Variants in PLCL2 observed in about 807,000 individuals in gnomAD.
PLCL2 encodes inactive phospholipase C-like protein 2.
PLCL2 carries 4 observed loss-of-function variants against 79.6 expected under a neutral mutation model. That is an observed-to-expected ratio of 0.05 (90% CI 0.02 to 0.11). PLCL2 has a LOEUF of 0.11. Among genes scored for constraint, PLCL2 ranks in the 10% least tolerant of loss-of-function variants. The probability of loss-of-function intolerance (pLI) is 1.00; values close to 1 mark genes in which losing one functional copy is unlikely to be tolerated. For synonymous variants in PLCL2, 484 were observed against 457.7 expected (o/e 1.06, Z -0.73); for missense variants, 895 against 1,291.0 (o/e 0.69, Z 4.70).
At chr3:16,902,903 A>C (rs1559481189) in intron 1 of PLCL2, among the ~76,000 whole-genome samples, 1 of 147,266 alleles carries the variant, frequency 6.8e-6, no homozygotes, top group Non-Finnish European at 1.5e-5. Flanking sequence ...CATGCTTTGG[A>C]AGGAATCATA....
Position 17,068,086 on chromosome 3 carries a change from G to C in PLCL2, c.3204+21G>C, listed in dbSNP as rs1437294523. The C allele has an allele frequency of 3.0e-6, 4 of 1,350,044 alleles. No individual in the cohort carries two copies. In the African/African-American group the frequency reaches 5.8e-5, roughly 19 times the overall value. 83.6% of individuals were successfully genotyped at this position (1,350,044 alleles called of 1,614,324 possible). On this transcript the variant is annotated intron_variant, in intron 5 of 5. Transcript: ENST00000615277. ...TAAAGGTATCTATAGAGTTGTTTCT[G>C]ATGCTGGTGATTTTGCAGCCTCTTT...
At chr3:17,003,150 GT>G (rs2064227172) in intron 1 of PLCL2, among the ~76,000 whole-genome samples, 1 of 151,978 alleles carries the variant, frequency 6.6e-6, no homozygotes, top group Admixed American at 6.6e-5. Context: ...TGTTGTTTTT[GT>G]TTTGTTTTTC....
At chr3:16,970,038 T>TTATA (rs71266500) in intron 1 of PLCL2, among the ~76,000 whole-genome samples, 2,270 of 135,848 alleles carry the variant, frequency 0.017, 25 homozygotes, top group Non-Finnish European at 0.023. Context: ...TGGCTTTGAT[T>TTATA]TATATATATA....
At chr3:16,899,237 A>G (rs985117094) in intron 1 of PLCL2, among the ~76,000 whole-genome samples, 7 of 152,228 alleles carry the variant, frequency 4.6e-5, no homozygotes, top group Non-Finnish European at 7.3e-5. Flanking sequence ...TAGCCTGTAT[A>G]TGGATGGAGC....
intron 1 of PLCL2, among the ~76,000 whole-genome samples, chr3:16,957,799 C>T (rs2063720480): frequency 6.6e-6 from 1 of 152,080 alleles, no homozygotes; most frequent in Admixed American, 6.6e-5. Flanking sequence ...TTCTTTATCT[C>T]TTTTGATCTT....
intron 1 of PLCL2, among the ~76,000 whole-genome samples, chr3:16,942,553 G>A (rs983596175): frequency 6.6e-6 from 1 of 152,148 alleles, no homozygotes; most frequent in African/African-American, 2.4e-5. Flanking sequence ...CCTTTAAGGG[G>A]TCACCACATT....
chr3:17,012,287 G>T, intron 2 of PLCL2, 127 bp downstream of exon 2: 1 of 821,790 alleles, frequency 1.2e-6, no homozygotes, highest in Non-Finnish European at 1.8e-6. Context: ...TTAGTTCTTA[G>T]AATGTTTGCC....
At position 16,986,602 on chromosome 3, in the gene PLCL2, C is replaced by G. The variant is rs569449710; in HGVS notation, c.328-23072C>G. ...ATTTTTAGTAGGGATGGGGTTTCAC[C>G]GTGTTGGCCAGGCTGGTCTCTAACT... is the stretch of plus-strand genomic sequence containing the variant. On this transcript the variant is annotated intron_variant, in intron 1 of 5. Coordinates refer to ENST00000615277, the MANE Select transcript of PLCL2 (RefSeq NM_001144382.2). Among the ~76,000 whole-genome samples the G allele has an allele frequency of 1.1e-4, 16 of 152,128 alleles. No homozygotes were observed. In the South Asian group the frequency reaches 3.3e-3, roughly 32 times the overall value.
intron 3 of PLCL2, among the ~76,000 whole-genome samples, chr3:17,024,564 G>A (rs2064493760): frequency 6.6e-6 from 1 of 152,154 alleles, no homozygotes; most frequent in African/African-American, 2.4e-5. Flanking sequence ...CAGTTTTGTG[G>A]ATTGTGATTG....
At chr3:17,056,482 T>C (rs1559534228) in intron 4 of PLCL2, among the ~76,000 whole-genome samples, 1 of 152,090 alleles carries the variant, frequency 6.6e-6, no homozygotes, top group Non-Finnish European at 1.5e-5. Context: ...ATACAAATAA[T>C]TGAATAAAAG....
chr3:16,979,972 C>A (rs1412569028), intron 1 of PLCL2, among the ~76,000 whole-genome samples: 2 of 148,362 alleles, frequency 1.3e-5, no homozygotes, highest in Non-Finnish European at 3.0e-5. Context: ...GGGGGCTGAC[C>A]CCCCCAACCT....
At chr3:16,929,904 C>A (rs1190769302) in intron 1 of PLCL2, among the ~76,000 whole-genome samples, 2 of 152,150 alleles carry the variant, frequency 1.3e-5, no homozygotes, top group Non-Finnish European at 2.9e-5. Flanking sequence ...ATAGACTTCT[C>A]CCAAGACCCT....
chr3:16,911,347 T>G (rs1173650659), intron 1 of PLCL2, among the ~76,000 whole-genome samples: 1 of 152,018 alleles, frequency 6.6e-6, no homozygotes, highest in Non-Finnish European at 1.5e-5. Context: ...TGCATTAATA[T>G]ATTCTTAATT....
chr3:16,980,455 C>T (rs1197221168), intron 1 of PLCL2, among the ~76,000 whole-genome samples: 1 of 150,748 alleles, frequency 6.6e-6, no homozygotes, highest in East Asian at 2.0e-4. Flanking sequence ...CCTCACTTCT[C>T]AGACGGGGCG....
chr3:17,022,350 C>T (rs555107328), intron 3 of PLCL2, among the ~76,000 whole-genome samples: 3 of 152,168 alleles, frequency 2.0e-5, no homozygotes, highest in South Asian at 2.1e-4. Flanking sequence ...AATTCCACAT[C>T]GAATATTGGA....
chr3:17,054,300 C>T (rs1478013855), intron 4 of PLCL2, among the ~76,000 whole-genome samples: 2 of 152,174 alleles, frequency 1.3e-5, no homozygotes, highest in East Asian at 3.9e-4. Flanking sequence ...CTGAGACCTC[C>T]TGAGCCTGGA....
At chr3:16,963,787 T>A (rs77817113) in intron 1 of PLCL2, among the ~76,000 whole-genome samples, 29 of 145,442 alleles carry the variant, frequency 2.0e-4, no homozygotes, top group Middle Eastern at 3.7e-3. Flanking sequence ...GGTTAAGCAA[T>A]TTTTTTTTTT....
At chr3:17,037,877 CAGA>C (rs2064673959) in intron 3 of PLCL2, among the ~76,000 whole-genome samples, 1 of 151,962 alleles carries the variant, frequency 6.6e-6, no homozygotes, top group East Asian at 1.9e-4. Context: ...AGTTTCAAAA[CAGA>C]ATATGAAGGA....
chr3:17,016,705 A>C (rs1005368417), intron 3 of PLCL2, among the ~76,000 whole-genome samples: 1 of 152,234 alleles, frequency 6.6e-6, no homozygotes, highest in Admixed American at 6.5e-5. Flanking sequence ...TTTACATGCT[A>C]TGAACCAGAC....
Sources: gnomAD v4.1 joint callset for allele counts (sites outside exome capture counted in the v4.1 genomes callset) on GRCh38, gnomAD v4.1.1 for gene constraint, MANE v1.5 for transcripts, NCBI Gene and HGNC (gene_info 2026-07-23, HGNC 2026-07-21) for gene names.